CFAP58: variants seen among roughly 807,000 people sequenced by gnomAD.
The protein encoded by CFAP58 is cilia and flagella associated protein 58.
Under a neutral mutation model 119.5 loss-of-function variants are expected in CFAP58, and 88 were observed. The observed-to-expected ratio is 0.74, with a 90% CI of 0.62 to 0.88. The LOEUF (loss-of-function observed/expected upper bound fraction) is 0.88, where lower values mean the gene tolerates loss of function less well. Among genes scored for constraint, CFAP58 ranks in the 40% least tolerant of loss-of-function variants. The pLI, the probability that CFAP58 is intolerant of heterozygous loss-of-function variation, is 0.00. For missense variants in CFAP58, 990 were observed against 1,021.2 expected (o/e 0.97, Z 0.42); for synonymous variants, 365 against 366.3 (o/e 1.00, Z 0.04).
Position 104,358,356 on chromosome 10 carries a change from C to A in CFAP58, c.25C>A (p.Gln9Lys). Residue 9 changes from glutamine to lysine, a missense_variant, in exon 2 of 18, where the codon CAA (glutamine) becomes AAA (lysine). Gln to Lys is a moderately conservative substitution (Grantham distance 53). Coordinates refer to ENST00000369704, the MANE Select transcript of CFAP58 (RefSeq NM_001008723.2). MAEEKGGK[Q>K]VLEESAFEEM... is the part of the protein sequence containing the mutation. ...TTTTCTATAGGAAAAGGGTGGAAAG[C>A]AAGTCCTGGAAGAATCTGCATTTGA... The A allele has an allele frequency of 6.2e-7, 1 of 1,610,512 alleles. No individual in the cohort carries two copies. The highest frequency in any genetic ancestry group is 8.5e-7 in the Non-Finnish European group (1 of 1,177,564).
chr10:104,451,667 T>G (rs1246656069), intron 17 of CFAP58, among the ~76,000 whole-genome samples: 2 of 152,224 alleles, frequency 1.3e-5, no homozygotes, highest in Admixed American at 6.5e-5. Flanking sequence ...AATGTCAACA[T>G]GGTTAATTTC....
At chr10:104,428,092 G>A (rs2012779104) in intron 15 of CFAP58, among the ~76,000 whole-genome samples, 1 of 152,170 alleles carries the variant, frequency 6.6e-6, no homozygotes, top group South Asian at 2.1e-4. Flanking sequence ...AAGCTCATTT[G>A]GTTGTTTGTA....
intron 5 of CFAP58, among the ~76,000 whole-genome samples, chr10:104,368,097 A>G (rs2014775394): frequency 6.6e-6 from 1 of 152,266 alleles, no homozygotes. Context: ...GATTATAGCA[A>G]TTGTTGCATA....
chr10:104,392,708 C>T (rs369833244), intron 10 of CFAP58, among the ~76,000 whole-genome samples: 259 of 148,822 alleles, frequency 1.7e-3, no homozygotes, highest in African/African-American at 6.0e-3. Context: ...GACGCGATCT[C>T]GGCTCACTGC....
intron 15 of CFAP58, among the ~76,000 whole-genome samples, chr10:104,446,486 G>C (rs1038932309): frequency 1.3e-5 from 2 of 152,172 alleles, no homozygotes; most frequent in African/African-American, 4.8e-5. Context: ...ACTAGTTAAT[G>C]ATTTTTCTTT....
chr10:104,423,904 A>T (rs1204800842), intron 15 of CFAP58, among the ~76,000 whole-genome samples: 1 of 152,176 alleles, frequency 6.6e-6, no homozygotes, highest in Non-Finnish European at 1.5e-5. Context: ...TCTTACAAGG[A>T]TGAGAAAAAT....
intron 9 of CFAP58, among the ~76,000 whole-genome samples, chr10:104,386,300 C>A (rs2011922225): frequency 6.6e-6 from 1 of 150,786 alleles, no homozygotes; most frequent in Non-Finnish European, 1.5e-5. Context: ...ATCGCTTGAA[C>A]CTGGGAGGTG....
chr10:104,387,521 G>T (rs2011948575), intron 9 of CFAP58, among the ~76,000 whole-genome samples: 1 of 152,202 alleles, frequency 6.6e-6, no homozygotes, highest in Non-Finnish European at 1.5e-5. Flanking sequence ...TGTGGGACAA[G>T]GGGAGAGAGT....
chr10:104,408,049 T>C (rs1056434489), intron 15 of CFAP58, among the ~76,000 whole-genome samples: 2 of 152,240 alleles, frequency 1.3e-5, no homozygotes, highest in African/African-American at 4.8e-5. Flanking sequence ...TAGGAACTTC[T>C]ATATATGAGT....
chr10:104,370,869 C>T lies in CFAP58; in HGVS notation c.931-26C>T, dbSNP rs757793592. 7 of 1,595,772 alleles carry T rather than the reference C, an allele frequency of 4.4e-6. No individual in the cohort carries two copies. The African/African-American group carries it at 6.8e-5, about 15-fold the overall frequency. On this transcript the variant is annotated intron_variant, in intron 6 of 17. Coordinates refer to ENST00000369704, the MANE Select transcript of CFAP58 (RefSeq NM_001008723.2). Reference sequence around the variant, plus strand: ...CTGGCTCTTCATTTACAAAGTGACTCATTAATTCTTTCTCACTAATTACAG... The same window carrying T: ...CTGGCTCTTCATTTACAAAGTGACTTATTAATTCTTTCTCACTAATTACAG...
At chr10:104,402,909 C>T (rs993723191) in intron 13 of CFAP58, among the ~76,000 whole-genome samples, 3 of 152,124 alleles carry the variant, frequency 2.0e-5, no homozygotes, top group Non-Finnish European at 2.9e-5. Context: ...AGGGTAGAGA[C>T]GTATGCCCTA....
chr10:104,393,367 G>T lies in CFAP58; in HGVS notation c.1566G>T (p.Met522Ile). ...ATATGAAGAGAAAGTTAAAGATTAT[G>T]ATCCATCAGGTAGATGAGCTGAAAG... Reference protein sequence around the residue: ...ITDMKRKLKIMIHQVDELKED... With the variant: ...ITDMKRKLKIIIHQVDELKED... The change falls in exon 11 of 18, where the codon ATG becomes ATT. Residue 522 changes from methionine (M) to isoleucine (I), a missense_variant. By Grantham distance (10) the Met-to-Ile change is conservative. Transcript: ENST00000369704. 1 of 1,613,930 alleles carries T rather than the reference G, an allele frequency of 6.2e-7. No homozygotes were observed. Among genetic ancestry groups the T allele is most frequent in the South Asian group, 1.1e-5 (1 of 91,066 alleles).
At position 104,362,930 on chromosome 10, in the gene CFAP58, C is replaced by T. The variant is rs148159053; in HGVS notation, c.440+759C>T. 1.7e-4 allele frequency among the ~76,000 whole-genome samples: 26 copies of T among 152,326 alleles called. 2 individuals carry two copies. Among genetic ancestry groups the T allele is most frequent in the African/African-American group, 6.3e-4 (26 of 41,568 alleles). On this transcript the variant is annotated intron_variant, in intron 3 of 17. Coordinates refer to ENST00000369704, the MANE Select transcript of CFAP58 (RefSeq NM_001008723.2). ...CAGCCTCTCTAGCCTCGTGCGAGCCCATCAAGTTGCTCACACCTCCATGCC... is the reference window on the plus strand; with the variant it reads ...CAGCCTCTCTAGCCTCGTGCGAGCCTATCAAGTTGCTCACACCTCCATGCC...
intron 5 of CFAP58, among the ~76,000 whole-genome samples, chr10:104,366,427 ATC>A (rs1322242210): frequency 2.0e-5 from 3 of 152,060 alleles, no homozygotes; most frequent in Non-Finnish European, 2.9e-5. Context: ...TACCATCTCT[ATC>A]CTGAATTCTA....
At chr10:104,369,021 A>G (rs770579196) in intron 6 of CFAP58, among the ~76,000 whole-genome samples, 12 of 152,200 alleles carry the variant, frequency 7.9e-5, no homozygotes, top group Non-Finnish European at 1.6e-4. Context: ...ATATTTTGAG[A>G]CAGATTTCCT....
intron 17 of CFAP58, among the ~76,000 whole-genome samples, chr10:104,453,162 G>A (rs1190304790): frequency 1.3e-5 from 2 of 152,174 alleles, no homozygotes; most frequent in African/African-American, 2.4e-5. Context: ...AGAGAGGGCA[G>A]GGGGAGGGGG....
At chr10:104,405,356 G>A (rs980568856) in intron 14 of CFAP58, among the ~76,000 whole-genome samples, 1 of 152,200 alleles carries the variant, frequency 6.6e-6, no homozygotes, top group Non-Finnish European at 1.5e-5. Context: ...CTGCAGAAGT[G>A]GAGATGAAGA....
intron 15 of CFAP58, among the ~76,000 whole-genome samples, chr10:104,433,011 T>C (rs1564903108): frequency 6.6e-6 from 1 of 152,180 alleles, no homozygotes; most frequent in African/African-American, 2.4e-5. Context: ...TGCTATAAGG[T>C]TAAAGATGGC....
At chr10:104,441,653 G>A (rs1032289571) in intron 15 of CFAP58, among the ~76,000 whole-genome samples, 2 of 152,150 alleles carry the variant, frequency 1.3e-5, no homozygotes, top group African/African-American at 4.8e-5. Flanking sequence ...TTTTCCTATT[G>A]TTACAAAAAT....
Sources: gnomAD v4.1 joint callset for allele counts (sites outside exome capture counted in the v4.1 genomes callset) on GRCh38, gnomAD v4.1.1 for gene constraint, MANE v1.5 for transcripts, NCBI Gene and HGNC (gene_info 2026-07-23, HGNC 2026-07-21) for gene names.